PLXDC2: variants seen among roughly 807,000 people sequenced by gnomAD.
PLXDC2 encodes the protein plexin domain containing 2, also known as plexin domain-containing protein 2.
In PLXDC2, 40 loss-of-function variants were observed where a neutral mutation model predicts 68.9. The ratio of observed to expected loss-of-function variants is 0.58; its 90% CI spans 0.45 to 0.76. The LOEUF is 0.76. PLXDC2 is among the 30% of genes least tolerant of loss of function. PLXDC2 has a pLI of 0.00. For missense variants in PLXDC2, 644 were observed against 661.9 expected (o/e 0.97, Z 0.30); for synonymous variants, 243 against 234.2 (o/e 1.04, Z -0.34).
chr10:20,229,226 T>C lies in PLXDC2; in HGVS notation c.1312+10124T>C, dbSNP rs1835327363. Among the ~76,000 whole-genome samples, 3 of 152,102 alleles carry C rather than the reference T, an allele frequency of 2.0e-5. No homozygotes were observed. The South Asian group carries it at 6.2e-4, about 31-fold the overall frequency. Reference sequence around the variant, plus strand: ...ACAGGAGGGAGAAATTGAGGGGGTTTCATCTAAGATTGCTCTTTTCTCCAT... The same window carrying C: ...ACAGGAGGGAGAAATTGAGGGGGTTCCATCTAAGATTGCTCTTTTCTCCAT... On this transcript the variant is annotated intron_variant, in intron 12 of 13. Transcript: ENST00000377252.
At chr10:19,889,734 G>A (rs1837915823) in intron 1 of PLXDC2, among the ~76,000 whole-genome samples, 1 of 152,118 alleles carries the variant, frequency 6.6e-6, no homozygotes, top group African/African-American at 2.4e-5. Flanking sequence ...ACATCCACAG[G>A]CAGGAAAAAC....
chr10:20,220,480 C>A (rs1835194839), intron 12 of PLXDC2, among the ~76,000 whole-genome samples: 1 of 152,064 alleles, frequency 6.6e-6, no homozygotes, highest in African/African-American at 2.4e-5. Context: ...TATGCTTTCT[C>A]TCTCCTTCCT....
intron 11 of PLXDC2, among the ~76,000 whole-genome samples, chr10:20,218,483 C>T (rs529577976): frequency 3.3e-5 from 5 of 152,094 alleles, no homozygotes; most frequent in South Asian, 2.1e-4. Context: ...TTAAAGTCCA[C>T]GAAAATATTC....
intron 2 of PLXDC2, among the ~76,000 whole-genome samples, chr10:20,017,175 C>T (rs997071613): frequency 1.3e-5 from 2 of 152,174 alleles, no homozygotes; most frequent in African/African-American, 4.8e-5. Flanking sequence ...CCTGAAGCCA[C>T]TGCTGTGAAT....
At chr10:20,245,312 A>G (rs762813871) in intron 12 of PLXDC2, 33 bp from the exon 13 acceptor site, 2 of 1,574,618 alleles carry the variant, frequency 1.3e-6, no homozygotes, top group Middle Eastern at 1.7e-4. Flanking sequence ...GGGTAAACTC[A>G]TGAAGGTCCT....
chr10:19,874,635 C>T (rs937717431), intron 1 of PLXDC2, among the ~76,000 whole-genome samples: 5 of 152,246 alleles, frequency 3.3e-5, no homozygotes, highest in South Asian at 2.1e-4. Context: ...GGACTGAATG[C>T]GTTGGATGCA....
rs1589651755 is a variant in PLXDC2, at chr10:20,145,109, A to G, written c.664+1692A>G. Among the ~76,000 whole-genome samples, 5 of 152,316 alleles carry G rather than the reference A, an allele frequency of 3.3e-5. No homozygotes were observed. In the South Asian group the frequency reaches 1.0e-3, roughly 32 times the overall value. ...TAGGTCCTAAATAATTATTCAATGA[A>G]TGAATAAAAATAATTACATACGTAA... On this transcript the variant is annotated intron_variant, in intron 5 of 13. Coordinates refer to ENST00000377252, the MANE Select transcript of PLXDC2 (RefSeq NM_032812.9).
intron 4 of PLXDC2, among the ~76,000 whole-genome samples, chr10:20,081,058 A>G (rs1836547806): frequency 6.6e-6 from 1 of 152,198 alleles, no homozygotes; most frequent in East Asian, 1.9e-4. Context: ...AAACTCCCGG[A>G]TGGCTCTGCT....
intron 1 of PLXDC2, among the ~76,000 whole-genome samples, chr10:19,820,061 G>A (rs1836434886): frequency 6.6e-6 from 1 of 152,188 alleles, no homozygotes; most frequent in African/African-American, 2.4e-5. Flanking sequence ...ACAGATACAA[G>A]TTTTGGAGCT....
intron 2 of PLXDC2, among the ~76,000 whole-genome samples, chr10:20,004,946 C>G (rs1031483507): frequency 1.3e-5 from 2 of 152,154 alleles, no homozygotes; most frequent in Non-Finnish European, 2.9e-5. Context: ...CTGCCAGGTA[C>G]TGTGTGGATG....
intron 2 of PLXDC2, among the ~76,000 whole-genome samples, chr10:20,011,167 A>C (rs117655978): frequency 6.6e-6 from 1 of 152,144 alleles, no homozygotes; most frequent in Non-Finnish European, 1.5e-5. Context: ...TCCATTCTTT[A>C]TATGTTGAAC....
intron 1 of PLXDC2, among the ~76,000 whole-genome samples, chr10:19,849,619 G>A (rs899986318): frequency 7.9e-5 from 12 of 152,002 alleles, no homozygotes; most frequent in African/African-American, 2.9e-4. Flanking sequence ...GTGTGAAGAA[G>A]GACATGTTTG....
chr10:19,968,456 G>A (rs1834300434), intron 1 of PLXDC2, among the ~76,000 whole-genome samples: 1 of 152,118 alleles, frequency 6.6e-6, no homozygotes, highest in South Asian at 2.1e-4. Flanking sequence ...GGGACTACAG[G>A]CGCACACCAC....
chr10:20,124,717 A>C (rs932811721), intron 4 of PLXDC2, among the ~76,000 whole-genome samples: 4 of 140,852 alleles, frequency 2.8e-5, no homozygotes, highest in African/African-American at 1.1e-4. Flanking sequence ...GGCGGGCAGG[A>C]GTGGGGGTCA....
chr10:19,907,007 A>G (rs1374325645), intron 1 of PLXDC2, among the ~76,000 whole-genome samples: 1 of 152,148 alleles, frequency 6.6e-6, no homozygotes, highest in Non-Finnish European at 1.5e-5. Context: ...TTCCCAAGCA[A>G]GGAAGCATGC....
chr10:19,891,167 A>G (rs938141841), intron 1 of PLXDC2, among the ~76,000 whole-genome samples: 1 of 152,218 alleles, frequency 6.6e-6, no homozygotes, highest in East Asian at 1.9e-4. Flanking sequence ...GTTAGAATAA[A>G]GCAAAATATG....
At chr10:19,886,694 A>C (rs967134594) in intron 1 of PLXDC2, among the ~76,000 whole-genome samples, 4 of 152,194 alleles carry the variant, frequency 2.6e-5, no homozygotes, top group Non-Finnish European at 2.9e-5. Context: ...AACTGGAAGC[A>C]TTCCCTTTGA....
intron 4 of PLXDC2, among the ~76,000 whole-genome samples, chr10:20,128,734 A>G (rs934994862): frequency 5.9e-5 from 9 of 152,102 alleles, no homozygotes; most frequent in Non-Finnish European, 8.8e-5. Flanking sequence ...GATTCTACAT[A>G]TAGTATTTGC....
At chr10:19,830,068 G>A (rs1056613115) in intron 1 of PLXDC2, among the ~76,000 whole-genome samples, 2 of 152,150 alleles carry the variant, frequency 1.3e-5, no homozygotes, top group Non-Finnish European at 2.9e-5. Flanking sequence ...TCTCTGGAGA[G>A]AATTCCATAG....
Sources: allele counts gnomAD v4.1 joint callset (sites outside exome capture counted in the v4.1 genomes callset), GRCh38; gene constraint gnomAD v4.1.1; transcripts MANE v1.5; gene names NCBI Gene and HGNC (gene_info 2026-07-23, HGNC 2026-07-21).